The following CSNK1G3 variants were observed in gnomAD, a reference collection of about 807,000 sequenced individuals.
CSNK1G3 encodes the protein casein kinase 1 gamma 3.
CSNK1G3 carries 23 observed loss-of-function variants against 64.3 expected under a neutral mutation model. The ratio of observed to expected loss-of-function variants is 0.36; its 90% CI spans 0.26 to 0.51. The LOEUF is 0.51. Ranked by LOEUF, CSNK1G3 falls within the 20% of genes least tolerant of loss-of-function variation. CSNK1G3 has a pLI of 0.96. For synonymous variants in CSNK1G3, 158 were observed against 162.2 expected, an observed-to-expected ratio of 0.97 and a Z score of 0.20; for missense variants, 357 against 510.5, an observed-to-expected ratio of 0.70 and a Z score of 2.90.
chr5:123,523,023 T>C (rs1442788879), intron 1 of CSNK1G3, among the ~76,000 whole-genome samples: 1 of 152,192 alleles, frequency 6.6e-6, no homozygotes, highest in Non-Finnish European at 1.5e-5. Flanking sequence ...GGAAGAAGTG[T>C]TACTAATAAA....
chr5:123,525,866 C>T (rs969433046), intron 1 of CSNK1G3, among the ~76,000 whole-genome samples: 2 of 151,588 alleles, frequency 1.3e-5, no homozygotes, highest in Non-Finnish European at 2.9e-5. Flanking sequence ...GGCGTGGTGG[C>T]GGGCGCCTGT....
chr5:123,531,684 CTG>C (rs1415380798), intron 1 of CSNK1G3, among the ~76,000 whole-genome samples: 2 of 152,010 alleles, frequency 1.3e-5, no homozygotes, highest in East Asian at 1.9e-4. Flanking sequence ...AGTTAGTAAA[CTG>C]AGAATAATTA....
chr5:123,517,186 A>C (rs1417589864), intron 1 of CSNK1G3, among the ~76,000 whole-genome samples: 1 of 151,944 alleles, frequency 6.6e-6, no homozygotes, highest in South Asian at 2.1e-4. Context: ...TGCTTAACCC[A>C]CTCGTGAGAT....
intron 3 of CSNK1G3, among the ~76,000 whole-genome samples, chr5:123,556,875 T>C (rs1288503506): frequency 6.6e-6 from 1 of 151,956 alleles, no homozygotes; most frequent in Non-Finnish European, 1.5e-5. Flanking sequence ...TATAATATCA[T>C]TTAGGTGAAA....
intron 1 of CSNK1G3, among the ~76,000 whole-genome samples, chr5:123,538,442 T>G (rs1781177323): frequency 6.6e-6 from 1 of 152,216 alleles, no homozygotes; most frequent in African/African-American, 2.4e-5. Context: ...TGAGCAGTGC[T>G]TCATATGCTT....
At chr5:123,562,215 A>G (rs980256744) in intron 4 of CSNK1G3, among the ~76,000 whole-genome samples, 1 of 152,130 alleles carries the variant, frequency 6.6e-6, no homozygotes, top group Non-Finnish European at 1.5e-5. Flanking sequence ...CTGCTTAGCA[A>G]TGCATTTTCT....
At chr5:123,602,340 G>T (rs911078170) in intron 10 of CSNK1G3, among the ~76,000 whole-genome samples, 1 of 152,140 alleles carries the variant, frequency 6.6e-6, no homozygotes, top group African/African-American at 2.4e-5. Flanking sequence ...GTTGGAGAGG[G>T]TCCTGTTTCT....
chr5:123,523,365 C>A (rs906824982), intron 1 of CSNK1G3, among the ~76,000 whole-genome samples: 2 of 152,000 alleles, frequency 1.3e-5, no homozygotes, highest in Admixed American at 1.3e-4. Flanking sequence ...AAATTAGGGT[C>A]CTTTTAGTGA....
At chr5:123,565,107 A>G (rs1005241878) in intron 4 of CSNK1G3, among the ~76,000 whole-genome samples, 1 of 152,194 alleles carries the variant, frequency 6.6e-6, no homozygotes, top group Non-Finnish European at 1.5e-5. Flanking sequence ...TACTTTCCAA[A>G]ACAGAAAAAA....
At chr5:123,551,313 ATG>A (rs1296568613) in intron 2 of CSNK1G3, among the ~76,000 whole-genome samples, 2 of 152,194 alleles carry the variant, frequency 1.3e-5, no homozygotes, top group African/African-American at 4.8e-5. Flanking sequence ...ATTTTTGAAA[ATG>A]TATATGAAGG....
In CSNK1G3 at chr5:123,594,961, T is replaced by C. The variant is rs77483935; in HGVS notation, c.1086+3547T>C. ...AATTTCCTTTTATACGTTTGTTTTA[T>C]ATATTATGAGGATAAAATGTTTAAC... On this transcript the variant is annotated intron_variant, in intron 10 of 12. Coordinates refer to ENST00000345990, the Ensembl canonical transcript of CSNK1G3. 8.7e-4 allele frequency: 1,062 copies of C among 1,217,420 alleles called. 13 individuals are homozygous for C. In the East Asian group the frequency reaches 0.018, roughly 20 times the overall value. The allele number at this position is 1,217,420 out of a possible 1,614,324, so 75.4% of individuals were successfully genotyped here.
At chr5:123,525,063 A>G (rs1330428273) in intron 1 of CSNK1G3, among the ~76,000 whole-genome samples, 1 of 152,232 alleles carries the variant, frequency 6.6e-6, no homozygotes, top group Admixed American at 6.5e-5. Context: ...CTCGGAAAGC[A>G]CTATAATTCT....
chr5:123,554,176 A>G (rs888280797), intron 3 of CSNK1G3, among the ~76,000 whole-genome samples: 3 of 152,220 alleles, frequency 2.0e-5, no homozygotes, highest in African/African-American at 7.2e-5. Flanking sequence ...CACTTGAAAT[A>G]AAGATGTGGA....
intron 8 of CSNK1G3, among the ~76,000 whole-genome samples, chr5:123,589,687 T>G (rs1428767187): frequency 6.6e-6 from 1 of 152,150 alleles, no homozygotes. Flanking sequence ...GCCCATTGTT[T>G]TATATTTATA....
intron 4 of CSNK1G3, among the ~76,000 whole-genome samples, chr5:123,571,307 G>A (rs1310812444): frequency 6.6e-6 from 1 of 151,824 alleles, no homozygotes; most frequent in Non-Finnish European, 1.5e-5. Flanking sequence ...TTTTTGAGAA[G>A]GAGTCTTGCT....
At chr5:123,601,678 A>G (rs1024390658) in intron 10 of CSNK1G3, among the ~76,000 whole-genome samples, 2 of 152,220 alleles carry the variant, frequency 1.3e-5, no homozygotes, top group African/African-American at 2.4e-5. Context: ...GCTAGAATTT[A>G]GACTACCTGA....
chr5:123,591,989 A>C (rs1343385647), intron 10 of CSNK1G3, among the ~76,000 whole-genome samples: 1 of 152,044 alleles, frequency 6.6e-6, no homozygotes, highest in African/African-American at 2.4e-5. Flanking sequence ...AGCATACAGT[A>C]AGCTTTGAAT....
At chr5:123,592,890 GT>G (rs1792656105) in intron 10 of CSNK1G3, among the ~76,000 whole-genome samples, 1 of 151,808 alleles carries the variant, frequency 6.6e-6, no homozygotes, top group South Asian at 2.1e-4. Flanking sequence ...AAAAGATTCT[GT>G]ATAAAGAAAG....
rs1235220765 is a variant in CSNK1G3 at position 123,545,571 on chromosome 5, C to T, written c.-93C>T. The T allele has an allele frequency of 1.7e-5, 16 of 953,690 alleles. No homozygotes were observed. The East Asian group carries it at 4.2e-4, about 25-fold the overall frequency. The allele number at this position is 953,690 out of a possible 1,614,324, so 59.1% of individuals were successfully genotyped here. On this transcript the variant is annotated 5_prime_UTR_variant, in exon 2 of 13. Transcript: ENST00000345990. ...GAATGTTAACATTACCCATCTGGTA[C>T]AGTTACCTAGTGATGTACCTATTTT...
Sources: gnomAD v4.1 joint callset for allele counts (sites outside exome capture counted in the v4.1 genomes callset) on GRCh38, gnomAD v4.1.1 for gene constraint, MANE v1.5 for transcripts, NCBI Gene and HGNC (gene_info 2026-07-23, HGNC 2026-07-21) for gene names.